The following FKBP5 variants were observed in gnomAD, a reference collection of about 807,000 sequenced individuals.
FKBP5 encodes FKBP prolyl isomerase 5.
A neutral mutation model predicts 50.5 loss-of-function variants in FKBP5; 23 were observed. The observed-to-expected ratio is 0.46, with a 90% CI of 0.33 to 0.65. FKBP5 has a LOEUF of 0.65. Ranked by LOEUF, FKBP5 falls within the 30% of genes least tolerant of loss-of-function variation. The pLI is 0.02. For synonymous variants in FKBP5, 176 were observed against 190.6 expected (o/e 0.92, Z 0.63); for missense variants, 411 against 553.1 (o/e 0.74, Z 2.58).
In FKBP5 at chr6:35,580,104, A is replaced by G; in HGVS notation, c.958T>C (p.Phe320Leu). 6.2e-7 allele frequency: 1 copy of G among 1,614,162 alleles called. No individual in the cohort carries two copies. The change falls in exon 9 of 11, where the codon TTT becomes CTT. Residue 320 changes from phenylalanine to leucine, a missense_variant. Phe to Leu is a conservative substitution (Grantham distance 22). This residue lies in a region of FKBP5 where 267 missense variants were observed against 405.9 expected (regional missense o/e 0.66). Coordinates refer to ENST00000357266, the MANE Select transcript of FKBP5 (RefSeq NM_004117.4). ...KASESFLLAA[F>L]LNLAMCYLKL... ...AGGTAGCACATGGCCAGGTTCAGAA[A>G]GGCAGCAAGGAGAAATGATTCAGAA...
At chr6:35,727,281 G>A (rs150193354) in intron 1 of FKBP5, among the ~76,000 whole-genome samples, 141 of 152,314 alleles carry the variant, frequency 9.3e-4, no homozygotes, top group African/African-American at 3.2e-3. Context: ...TTTGGAGAGG[G>A]TGGGATCTTT....
intron 3 of FKBP5, among the ~76,000 whole-genome samples, chr6:35,625,578 T>C (rs1763970017): frequency 1.3e-5 from 2 of 149,172 alleles, no homozygotes; most frequent in Non-Finnish European, 3.0e-5. Context: ...CTACTAAAAA[T>C]ACAAAAAATT....
At chr6:35,618,481 T>G (rs1763724744) in intron 5 of FKBP5, among the ~76,000 whole-genome samples, 1 of 152,096 alleles carries the variant, frequency 6.6e-6, no homozygotes, top group Non-Finnish European at 1.5e-5. Context: ...AAGTGATTCT[T>G]CCACCTCAGC....
intron 8 of FKBP5, chr6:35,584,316 T>A (rs572483511): frequency 2.0e-6 from 2 of 985,448 alleles, no homozygotes; most frequent in African/African-American, 3.5e-5. Flanking sequence ...AAAAGCTGAG[T>A]ACAATTCAAT....
chr6:35,716,481 G>A (rs1766514298), intron 2 of FKBP5, among the ~76,000 whole-genome samples: 1 of 152,112 alleles, frequency 6.6e-6, no homozygotes, highest in South Asian at 2.1e-4. Flanking sequence ...CGGTGTTTGA[G>A]ATTCATTCTC....
chr6:35,697,343 T>C (rs1007692602), intron 2 of FKBP5, among the ~76,000 whole-genome samples: 2 of 150,968 alleles, frequency 1.3e-5, no homozygotes, highest in African/African-American at 4.9e-5. Context: ...AGGTCGGGAG[T>C]TCAAGACCAG....
chr6:35,702,333 A>T (rs1480614206), intron 2 of FKBP5, among the ~76,000 whole-genome samples: 2 of 150,622 alleles, frequency 1.3e-5, no homozygotes, highest in African/African-American at 2.5e-5. Context: ...CTATGTAATA[A>T]ACCTTCACAT....
chr6:35,576,367 C>A (rs972999269), intron 10 of FKBP5, among the ~76,000 whole-genome samples: 2 of 152,068 alleles, frequency 1.3e-5, no homozygotes, highest in Non-Finnish European at 2.9e-5. Context: ...GATGGGTTTA[C>A]AATTTTTCAA....
At chr6:35,696,511 CAAA>C (rs5875522) in intron 2 of FKBP5, among the ~76,000 whole-genome samples, 29 of 133,212 alleles carry the variant, frequency 2.2e-4, no homozygotes, top group African/African-American at 3.1e-4. Context: ...GACTCTGTCT[CAAA>C]AAAAAAAAAA....
intron 1 of FKBP5, among the ~76,000 whole-genome samples, chr6:35,678,522 A>T (rs1038074169): frequency 2.0e-5 from 3 of 152,230 alleles, no homozygotes; most frequent in African/African-American, 7.2e-5. Context: ...TATTCTACAG[A>T]TACGGAGTAC....
chr6:35,621,217 A>G (rs1763823468), intron 3 of FKBP5, among the ~76,000 whole-genome samples: 1 of 152,258 alleles, frequency 6.6e-6, no homozygotes, highest in African/African-American at 2.4e-5. Context: ...ATATTAGGCT[A>G]TATAATTGTA....
At chr6:35,628,079 C>A (rs1356226529) in intron 3 of FKBP5, among the ~76,000 whole-genome samples, 1 of 151,820 alleles carries the variant, frequency 6.6e-6, no homozygotes. Context: ...GGCCTTCCTC[C>A]ATATTCTTAT....
chr6:35,674,914 T>C (rs1159335839), intron 1 of FKBP5, among the ~76,000 whole-genome samples: 2 of 152,238 alleles, frequency 1.3e-5, no homozygotes, highest in Non-Finnish European at 2.9e-5. Flanking sequence ...AATTATCTTT[T>C]GTGCATATGT....
At chr6:35,638,217 T>G (rs1480145299) in intron 2 of FKBP5, among the ~76,000 whole-genome samples, 1 of 152,204 alleles carries the variant, frequency 6.6e-6, no homozygotes, top group Non-Finnish European at 1.5e-5. Flanking sequence ...TTAATCATTT[T>G]TGGTAGATAA....
chr6:35,665,435 G>A (rs914920081), intron 1 of FKBP5, among the ~76,000 whole-genome samples: 1 of 151,700 alleles, frequency 6.6e-6, no homozygotes, highest in African/African-American at 2.4e-5. Context: ...CTACAGGCGC[G>A]TGCCACCACA....
intron 8 of FKBP5, chr6:35,583,183 G>A: frequency 1.0e-6 from 1 of 985,412 alleles, no homozygotes; most frequent in Non-Finnish European, 1.2e-6. Flanking sequence ...AGATGAGATA[G>A]GAAGGACAGG....
intron 5 of FKBP5, among the ~76,000 whole-genome samples, chr6:35,607,186 C>T (rs1042534440): frequency 9.9e-5 from 15 of 152,170 alleles, no homozygotes; most frequent in African/African-American, 3.6e-4. Context: ...GATCCACCCA[C>T]CTCAGCCTCC....
At chr6:35,609,470 T>C (rs1199931017) in intron 5 of FKBP5, among the ~76,000 whole-genome samples, 3 of 152,212 alleles carry the variant, frequency 2.0e-5, no homozygotes, top group Non-Finnish European at 2.9e-5. Context: ...AATTTTCTTG[T>C]AAGCTGCAGA....
intron 3 of FKBP5, among the ~76,000 whole-genome samples, chr6:35,634,450 A>G (rs1265888124): frequency 6.6e-6 from 1 of 152,186 alleles, no homozygotes; most frequent in Admixed American, 6.5e-5. Flanking sequence ...CCTACTAAAG[A>G]CCCAAAGGAG....
Sources: allele counts gnomAD v4.1 joint callset (sites outside exome capture counted in the v4.1 genomes callset), GRCh38; gene constraint gnomAD v4.1.1; regional missense constraint gnomAD v4.1.1; transcripts MANE v1.5; gene names NCBI Gene and HGNC (gene_info 2026-07-23, HGNC 2026-07-21).